CSMD1: variants seen among roughly 807,000 people sequenced by gnomAD.
The protein encoded by CSMD1 is CUB and sushi domain-containing protein 1.
Under a neutral mutation model 417.5 loss-of-function variants are expected in CSMD1, and 213 were observed. The observed-to-expected ratio is 0.51, with a 90% CI of 0.46 to 0.57. CSMD1 has a LOEUF of 0.57. Ranked by LOEUF, CSMD1 falls within the 20% of genes least tolerant of loss-of-function variation. The pLI, the probability that CSMD1 is intolerant of heterozygous loss-of-function variation, is 0.00. For missense variants in CSMD1, 6,923 were observed against 4,529.7 expected (o/e 1.53, Z -15.17); for synonymous variants, 2,862 against 1,736.8 (o/e 1.65, Z -16.11).
chr8:4,040,883 T>C (rs929668212), intron 3 of CSMD1, among the ~76,000 whole-genome samples: 11 of 152,212 alleles, frequency 7.2e-5, no homozygotes, highest in East Asian at 3.8e-4. Flanking sequence ...ATGTTCACTA[T>C]GTAAATGGCT....
At chr8:4,696,185 C>T (rs1807118856) in intron 1 of CSMD1, among the ~76,000 whole-genome samples, 1 of 152,148 alleles carries the variant, frequency 6.6e-6, no homozygotes, top group African/African-American at 2.4e-5. Context: ...AGCCAGTGCA[C>T]ATGTATGCAT....
chr8:4,282,007 GTTCTC>G (rs1373828374), intron 3 of CSMD1, among the ~76,000 whole-genome samples: 1 of 152,182 alleles, frequency 6.6e-6, no homozygotes, highest in Non-Finnish European at 1.5e-5. Flanking sequence ...GTGAATTCAT[GTTCTC>G]TTGAGATGTG....
intron 29 of CSMD1, among the ~76,000 whole-genome samples, chr8:3,218,672 G>C (rs927497953): frequency 3.9e-5 from 6 of 151,928 alleles, no homozygotes; most frequent in Non-Finnish European, 7.4e-5. Flanking sequence ...AGGAGATCGA[G>C]ACCAGCCTGA....
At chr8:4,504,993 T>C (rs1385113105) in intron 2 of CSMD1, among the ~76,000 whole-genome samples, 1 of 152,198 alleles carries the variant, frequency 6.6e-6, no homozygotes, top group East Asian at 1.9e-4. Context: ...TTTGGGTATA[T>C]ACCCAGTAAT....
chr8:3,033,800 A>G (rs1261674171), intron 50 of CSMD1, among the ~76,000 whole-genome samples: 1 of 152,216 alleles, frequency 6.6e-6, no homozygotes, highest in Non-Finnish European at 1.5e-5. Flanking sequence ...AAATAAAAAT[A>G]AATAAACAAA....
intron 2 of CSMD1, among the ~76,000 whole-genome samples, chr8:4,477,931 G>T (rs879641974): frequency 6.6e-6 from 1 of 152,024 alleles, no homozygotes; most frequent in East Asian, 1.9e-4. Context: ...TTTGCCTGGC[G>T]CATGATAGCT....
chr8:4,527,750 G>C (rs774778154), intron 2 of CSMD1, among the ~76,000 whole-genome samples: 15 of 152,146 alleles, frequency 9.9e-5, no homozygotes, highest in Non-Finnish European at 1.9e-4. Context: ...CATGACTTTA[G>C]ACACACTACA....
At chr8:3,708,693 C>T (rs1447757571) in intron 6 of CSMD1, among the ~76,000 whole-genome samples, 1 of 152,190 alleles carries the variant, frequency 6.6e-6, no homozygotes, top group Non-Finnish European at 1.5e-5. Context: ...AGCAAGATCA[C>T]ATCTTACAGC....
chr8:3,327,163 AAGAG>A (rs1806586524), intron 23 of CSMD1, among the ~76,000 whole-genome samples: 1 of 151,058 alleles, frequency 6.6e-6, no homozygotes, highest in East Asian at 1.9e-4. Context: ...TTTTTTTTGA[AAGAG>A]ACTCTCTCTG....
chr8:4,555,340 C>A (rs576595515), intron 2 of CSMD1, among the ~76,000 whole-genome samples: 7 of 152,168 alleles, frequency 4.6e-5, no homozygotes, highest in African/African-American at 1.7e-4. Flanking sequence ...AACAAATGGA[C>A]CTGGCAATGG....
At chr8:2,971,546 A>C (rs1028861822) in intron 57 of CSMD1, among the ~76,000 whole-genome samples, 4 of 152,158 alleles carry the variant, frequency 2.6e-5, no homozygotes, top group African/African-American at 9.7e-5. Context: ...AGTGCCTCAT[A>C]TCGGGAAGAT....
At chr8:4,254,849 G>C (rs922642524) in intron 3 of CSMD1, among the ~76,000 whole-genome samples, 1 of 152,124 alleles carries the variant, frequency 6.6e-6, no homozygotes, top group African/African-American at 2.4e-5. Flanking sequence ...CATCTAGGTG[G>C]TCATATGCAC....
At chr8:4,013,269 T>G (rs1156476532) in intron 4 of CSMD1, among the ~76,000 whole-genome samples, 2 of 152,114 alleles carry the variant, frequency 1.3e-5, no homozygotes, top group Non-Finnish European at 2.9e-5. Flanking sequence ...ACCCTCCAAT[T>G]ATCCCATCTG....
chr8:2,987,745 C>A (rs534707472), intron 54 of CSMD1, among the ~76,000 whole-genome samples: 1 of 152,128 alleles, frequency 6.6e-6, no homozygotes, highest in Non-Finnish European at 1.5e-5. Flanking sequence ...GGGGACACAC[C>A]CTGCCAGCGG....
chr8:4,973,449 T>G (rs956199486), intron 1 of CSMD1, among the ~76,000 whole-genome samples: 12 of 152,326 alleles, frequency 7.9e-5, no homozygotes, highest in Admixed American at 2.6e-4. Context: ...GAACATTTTC[T>G]AGCTCTTAAA....
In CSMD1 at chr8:2,955,740, C is replaced by A. The variant is rs759034746; in HGVS notation, c.9843G>T (p.Pro3281=). 7 of 1,613,758 alleles carry A rather than the reference C, an allele frequency of 4.3e-6. No individual in the cohort carries two copies. Among genetic ancestry groups the A allele is most frequent in the South Asian group, 2.2e-5 (2 of 91,068 alleles). The change falls in exon 64 of 70, where the codon CCG becomes CCT. Residue 3281 remains proline, a synonymous_variant. Coordinates refer to ENST00000635120, the MANE Select transcript of CSMD1 (RefSeq NM_033225.6). ...IPHACRQPET[P]AHADVRAIDL... ...CGATGGCTCTCACATCCGCGTGTGC[C>A]GGGGTTTCTGGCTGTCTGCAGGCAT...
intron 27 of CSMD1, among the ~76,000 whole-genome samples, chr8:3,225,326 C>G (rs10091407): frequency 1.3e-5 from 2 of 151,128 alleles, no homozygotes; most frequent in Non-Finnish European, 2.9e-5. Context: ...CACAGATATA[C>G]GTTCAAGAGT....
At chr8:4,310,547 C>G (rs1429668473) in intron 3 of CSMD1, among the ~76,000 whole-genome samples, 2 of 152,042 alleles carry the variant, frequency 1.3e-5, no homozygotes, top group African/African-American at 2.4e-5. Flanking sequence ...ACAATAAAAT[C>G]TCAATACTTG....
chr8:4,762,975 G>A (rs149153760), intron 1 of CSMD1, among the ~76,000 whole-genome samples: 67 of 152,132 alleles, frequency 4.4e-4, no homozygotes, highest in Non-Finnish European at 2.4e-4. Context: ...GGTGGCGTGT[G>A]GGAGGAGACA....
Sources: allele counts gnomAD v4.1 joint callset (sites outside exome capture counted in the v4.1 genomes callset), GRCh38; gene constraint gnomAD v4.1.1; transcripts MANE v1.5; gene names NCBI Gene and HGNC (gene_info 2026-07-23, HGNC 2026-07-21).